ROBO2: variants seen among roughly 807,000 people sequenced by gnomAD.
ROBO2 encodes the protein roundabout homolog 2.
In ROBO2, 53 loss-of-function variants were observed where a neutral mutation model predicts 160.8. That is an observed-to-expected ratio of 0.33 (90% CI 0.26 to 0.41). The LOEUF is 0.41. Ranked by LOEUF, ROBO2 falls within the 10% of genes least tolerant of loss-of-function variation. ROBO2 has a pLI of 1.00. For synonymous variants in ROBO2, 664 were observed against 611.7 expected (o/e 1.09, Z -1.26); for missense variants, 1,577 against 1,722.4 (o/e 0.92, Z 1.49).
At chr3:77,398,850 G>T (rs958554452) in intron 2 of ROBO2, among the ~76,000 whole-genome samples, 3 of 152,084 alleles carry the variant, frequency 2.0e-5, no homozygotes, top group Non-Finnish European at 4.4e-5. Context: ...CTCCCAAAGT[G>T]CTGGGACTAC....
intron 2 of ROBO2, among the ~76,000 whole-genome samples, chr3:77,158,111 C>T (rs931743741): frequency 1.3e-5 from 2 of 152,026 alleles, no homozygotes; most frequent in African/African-American, 2.4e-5. Flanking sequence ...CAGGCTGAGC[C>T]GAGGAGTGAA....
At chr3:77,151,560 C>T (rs1013648469) in intron 2 of ROBO2, among the ~76,000 whole-genome samples, 1 of 152,132 alleles carries the variant, frequency 6.6e-6, no homozygotes, top group Non-Finnish European at 1.5e-5. Context: ...TGTGGACAGA[C>T]AGCTTTCTGT....
At chr3:76,652,759 GA>G (rs551702736) in intron 2 of ROBO2, among the ~76,000 whole-genome samples, 38 of 145,692 alleles carry the variant, frequency 2.6e-4, no homozygotes, top group East Asian at 7.9e-4. Flanking sequence ...GGTTTTGGTG[GA>G]AAAAAAAAAG....
At chr3:77,340,654 A>T (rs2066964902) in intron 2 of ROBO2, among the ~76,000 whole-genome samples, 1 of 152,134 alleles carries the variant, frequency 6.6e-6, no homozygotes, top group Non-Finnish European at 1.5e-5. Flanking sequence ...TATTCATAGG[A>T]GCCATATGTT....
intron 2 of ROBO2, among the ~76,000 whole-genome samples, chr3:76,031,362 C>T (rs1559849820): frequency 6.6e-6 from 1 of 152,116 alleles, no homozygotes; most frequent in Non-Finnish European, 1.5e-5. Context: ...ATTTCTTTCT[C>T]TTGCCTGATT....
chr3:76,484,872 A>G (rs1475310856), intron 2 of ROBO2, among the ~76,000 whole-genome samples: 1 of 152,184 alleles, frequency 6.6e-6, no homozygotes, highest in Non-Finnish European at 1.5e-5. Context: ...TATTGATTAT[A>G]AAACCCTAAA....
intron 2 of ROBO2, among the ~76,000 whole-genome samples, chr3:76,964,674 C>T (rs1273539935): frequency 1.3e-5 from 2 of 152,288 alleles, no homozygotes; most frequent in Non-Finnish European, 1.5e-5. Flanking sequence ...TTTGATTCAA[C>T]AACTGATATA....
rs1051472744 is a variant in ROBO2, at chr3:77,420,920, A to G, written c.389-56494A>G. On this transcript the variant is annotated intron_variant, in intron 2 of 25. Coordinates refer to ENST00000461745, the Ensembl canonical transcript of ROBO2. ...GACAGTTTGATTTTAGTATGTGATTATATGTTCCCAATCCGACTAATTAAA... is the reference window on the plus strand; with the variant it reads ...GACAGTTTGATTTTAGTATGTGATTGTATGTTCCCAATCCGACTAATTAAA... Among the ~76,000 whole-genome samples the G allele has an allele frequency of 4.7e-4, 71 of 152,158 alleles. 3 individuals carry two copies. Among genetic ancestry groups the G allele is most frequent in the Non-Finnish European group, 1.5e-5 (1 of 68,008 alleles).
intron 2 of ROBO2, among the ~76,000 whole-genome samples, chr3:77,423,306 C>T (rs919080193): frequency 6.6e-6 from 1 of 152,048 alleles, no homozygotes; most frequent in Non-Finnish European, 1.5e-5. Context: ...ATGTTCAATT[C>T]AGTGACATTA....
chr3:76,668,387 C>T (rs2092136688), intron 2 of ROBO2, among the ~76,000 whole-genome samples: 1 of 152,128 alleles, frequency 6.6e-6, no homozygotes, highest in South Asian at 2.1e-4. Context: ...GAATTACAGG[C>T]TGCACCCGGC....
At chr3:77,302,224 G>A (rs1437738809) in intron 2 of ROBO2, among the ~76,000 whole-genome samples, 1 of 151,616 alleles carries the variant, frequency 6.6e-6, no homozygotes, top group Non-Finnish European at 1.5e-5. Flanking sequence ...TTACAGGTTT[G>A]AGCCACCAAA....
chr3:77,463,711 G>A (rs574145036), intron 2 of ROBO2, among the ~76,000 whole-genome samples: 5 of 152,120 alleles, frequency 3.3e-5, no homozygotes, highest in Admixed American at 2.0e-4. Context: ...CTCCAAAGTA[G>A]CTGTGACTAC....
At chr3:76,654,953 A>G (rs972299533) in intron 2 of ROBO2, among the ~76,000 whole-genome samples, 1 of 147,500 alleles carries the variant, frequency 6.8e-6, no homozygotes, top group African/African-American at 2.5e-5. Context: ...TTAAAGTTCA[A>G]ATTTGAAGTT....
chr3:77,609,194 T>C (rs1173101847), intron 21 of ROBO2, among the ~76,000 whole-genome samples: 1 of 152,068 alleles, frequency 6.6e-6, no homozygotes, highest in Non-Finnish European at 1.5e-5. Context: ...TATATATGCA[T>C]ATATTGTTAT....
chr3:77,255,915 C>T (rs973588850), intron 2 of ROBO2, among the ~76,000 whole-genome samples: 2 of 152,182 alleles, frequency 1.3e-5, no homozygotes, highest in Admixed American at 6.5e-5. Flanking sequence ...CATTCATAAA[C>T]GTGACCAATG....
At chr3:76,571,467 CA>C (rs1002558053) in intron 2 of ROBO2, among the ~76,000 whole-genome samples, 1 of 151,728 alleles carries the variant, frequency 6.6e-6, no homozygotes. Context: ...GTTTTTATAC[CA>C]AGATACTGAG....
intron 2 of ROBO2, among the ~76,000 whole-genome samples, chr3:76,335,636 G>C (rs1186245277): frequency 6.6e-6 from 1 of 151,272 alleles, no homozygotes; most frequent in Non-Finnish European, 1.5e-5. Flanking sequence ...GGAGTGCAGG[G>C]GCGCGATCTC....
chr3:77,593,085 A>G (rs934455109), intron 17 of ROBO2, among the ~76,000 whole-genome samples: 94 of 152,080 alleles, frequency 6.2e-4, no homozygotes, highest in Non-Finnish European at 1.9e-4. Flanking sequence ...AGCTTCTCAC[A>G]TATCTCTTGA....
chr3:77,464,831 T>C (rs1027986813), intron 2 of ROBO2, among the ~76,000 whole-genome samples: 3 of 152,228 alleles, frequency 2.0e-5, no homozygotes, highest in Non-Finnish European at 4.4e-5. Flanking sequence ...TCTCCAGTGA[T>C]ATATTGAAGA....
Sources: allele counts gnomAD v4.1 joint callset (sites outside exome capture counted in the v4.1 genomes callset), GRCh38; gene constraint gnomAD v4.1.1; transcripts MANE v1.5; gene names NCBI Gene and HGNC (gene_info 2026-07-23, HGNC 2026-07-21).